Variants in THSD4 observed in about 807,000 individuals in gnomAD.
THSD4 encodes the protein thrombospondin type 1 domain containing 4.
Under a neutral mutation model 119.0 loss-of-function variants are expected in THSD4, and 69 were observed. The ratio of observed to expected loss-of-function variants is 0.58; its 90% CI spans 0.48 to 0.71. The LOEUF is 0.71. THSD4 is among the 30% of genes least tolerant of loss of function. THSD4 has a pLI of 0.00. For synonymous variants in THSD4, 524 were observed against 540.4 expected, an observed-to-expected ratio of 0.97 and a Z score of 0.42; for missense variants, 1,393 against 1,391.1, an observed-to-expected ratio of 1.00 and a Z score of -0.02.
intron 8 of THSD4, among the ~76,000 whole-genome samples, chr15:71,697,041 G>A (rs2052179312): frequency 6.6e-6 from 1 of 152,210 alleles, no homozygotes; most frequent in Admixed American, 6.5e-5. Context: ...ACAGGAGAAA[G>A]GAAGGAGGGA....
chr15:71,563,146 C>G (rs1050291438), intron 7 of THSD4, among the ~76,000 whole-genome samples: 3 of 152,130 alleles, frequency 2.0e-5, no homozygotes, highest in Non-Finnish European at 4.4e-5. Flanking sequence ...TCCTATGGTG[C>G]ACAGCGTTGG....
intron 3 of THSD4, among the ~76,000 whole-genome samples, chr15:71,194,253 A>G (rs779858960): frequency 6.6e-6 from 1 of 152,160 alleles, no homozygotes; most frequent in Non-Finnish European, 1.5e-5. Context: ...CAGTCTAGCT[A>G]TGTTCTGTTT....
chr15:71,668,535 C>A (rs534519916), intron 8 of THSD4, among the ~76,000 whole-genome samples: 2 of 152,276 alleles, frequency 1.3e-5, no homozygotes, highest in South Asian at 4.1e-4. Flanking sequence ...GTGGAACAGA[C>A]ACCCCCACTC....
At chr15:71,665,085 G>C (rs2051390214) in intron 8 of THSD4, among the ~76,000 whole-genome samples, 1 of 152,196 alleles carries the variant, frequency 6.6e-6, no homozygotes, top group Non-Finnish European at 1.5e-5. Flanking sequence ...TTCCACCATA[G>C]TTGGAAAATA....
At chr15:71,246,672 T>C (rs1454594703) in intron 5 of THSD4, among the ~76,000 whole-genome samples, 2 of 152,220 alleles carry the variant, frequency 1.3e-5, no homozygotes. Flanking sequence ...TCTGAGATTG[T>C]TCAATTCATG....
intron 6 of THSD4, among the ~76,000 whole-genome samples, chr15:71,396,086 G>A (rs762281926): frequency 5.4e-4 from 82 of 151,990 alleles, no homozygotes; most frequent in Non-Finnish European, 2.1e-4. Flanking sequence ...TGCTTTGGCC[G>A]TGTACCAATA....
upstream of THSD4, among the ~76,000 whole-genome samples, chr15:71,114,281 C>T (rs1218067195): frequency 6.6e-6 from 1 of 151,914 alleles, no homozygotes; most frequent in African/African-American, 2.4e-5. Flanking sequence ...TCCCACGAAG[C>T]GCTCTGCACC....
At chr15:71,199,883 CAT>C (rs2043781339) in intron 3 of THSD4, among the ~76,000 whole-genome samples, 29 of 27,432 alleles carry the variant, frequency 1.1e-3, no homozygotes, top group South Asian at 1.8e-3. Flanking sequence ...GTGTGTGGTG[CAT>C]GTGTGGTATG....
intron 7 of THSD4, among the ~76,000 whole-genome samples, chr15:71,563,803 CTTTA>C (rs2049172915): frequency 6.6e-6 from 1 of 152,154 alleles, no homozygotes; most frequent in Admixed American, 6.5e-5. Context: ...CTCCCATCTC[CTTTA>C]AGTATATTCA....
intron 3 of THSD4, among the ~76,000 whole-genome samples, chr15:71,172,333 AT>A (rs199716167): frequency 0.01 from 1,529 of 152,138 alleles, 21 homozygotes; most frequent in African/African-American, 0.034. Flanking sequence ...TCAAAAAAAA[AT>A]AATTATAAAT....
intron 7 of THSD4, among the ~76,000 whole-genome samples, chr15:71,430,712 G>A (rs144070439): frequency 3.1e-3 from 407 of 131,236 alleles, no homozygotes; most frequent in African/African-American, 0.011. Flanking sequence ...AGCCGAGATC[G>A]CATCTCTGCA....
intron 8 of THSD4, among the ~76,000 whole-genome samples, chr15:71,711,439 G>T (rs1230297796): frequency 6.6e-6 from 1 of 151,856 alleles, no homozygotes; most frequent in Non-Finnish European, 1.5e-5. Flanking sequence ...CTAAAAAATA[G>T]TTCAAAGAGA....
chr15:71,736,509 CTCTA>C (rs777023302), intron 10 of THSD4, among the ~76,000 whole-genome samples: 27 of 152,036 alleles, frequency 1.8e-4, no homozygotes, highest in African/African-American at 5.5e-4. Flanking sequence ...GTCTTGCTCT[CTCTA>C]TCTGTGTCTC....
chr15:71,379,511 T>G lies in THSD4; in HGVS notation c.1016-32176T>G, dbSNP rs977270218. Reference sequence around the variant, plus strand: ...TCTTGCTCTATCGCCCAGGCTGGAGTGCAGTGGTGCGATCTCGGCTTACTG... The same window carrying G: ...TCTTGCTCTATCGCCCAGGCTGGAGGGCAGTGGTGCGATCTCGGCTTACTG... On this transcript the variant is annotated intron_variant, in intron 6 of 17. Coordinates refer to ENST00000261862, the MANE Select transcript of THSD4 (RefSeq NM_024817.3). Among the ~76,000 whole-genome samples, 3 of 129,988 alleles carry G rather than the reference T, an allele frequency of 2.3e-5. No homozygotes were observed. In the Admixed American group the frequency reaches 2.8e-4, roughly 12 times the overall value. The allele number at this position is 129,988 out of a possible 152,430, so 85.3% of individuals were successfully genotyped here.
At chr15:71,594,832 T>C (rs1000417753) in intron 7 of THSD4, among the ~76,000 whole-genome samples, 2 of 152,176 alleles carry the variant, frequency 1.3e-5, no homozygotes, top group African/African-American at 4.8e-5. Context: ...ACAAAGTATA[T>C]TTTATGCATG....
At chr15:71,386,286 T>C (rs1348510660) in intron 6 of THSD4, among the ~76,000 whole-genome samples, 1 of 152,180 alleles carries the variant, frequency 6.6e-6, no homozygotes, top group South Asian at 2.1e-4. Context: ...TGTGAGCAGC[T>C]AAGATAATAG....
chr15:71,735,812 ATC>A (rs563687708), intron 10 of THSD4, among the ~76,000 whole-genome samples: 272 of 69,104 alleles, frequency 3.9e-3, no homozygotes, highest in Non-Finnish European at 7.2e-3. Context: ...TTCTGTCTCT[ATC>A]TCTCTGTCTC....
At chr15:71,420,800 G>A (rs2046797185) in intron 7 of THSD4, among the ~76,000 whole-genome samples, 2 of 106,452 alleles carry the variant, frequency 1.9e-5, no homozygotes, top group South Asian at 6.0e-4. Context: ...ACATTTTGTT[G>A]TTTCTATTTA....
chr15:71,509,930 C>T (rs1448131878), intron 7 of THSD4, among the ~76,000 whole-genome samples: 1 of 152,020 alleles, frequency 6.6e-6, no homozygotes, highest in Non-Finnish European at 1.5e-5. Flanking sequence ...TTTTTTTTCT[C>T]CAGCAGGCTC....
Sources: allele counts gnomAD v4.1 joint callset (sites outside exome capture counted in the v4.1 genomes callset), GRCh38; gene constraint gnomAD v4.1.1; transcripts MANE v1.5; gene names NCBI Gene and HGNC (gene_info 2026-07-23, HGNC 2026-07-21).